ARHGAP6: variants seen among roughly 807,000 people sequenced by gnomAD.
ARHGAP6 encodes the protein rho GTPase-activating protein 6.
ARHGAP6 carries 16 observed loss-of-function variants against 55.7 expected under a neutral mutation model. The ratio of observed to expected loss-of-function variants is 0.29; its 90% confidence interval spans 0.19 to 0.44. ARHGAP6 has a LOEUF of 0.44. ARHGAP6 is among the 20% of genes least tolerant of loss of function. The probability of loss-of-function intolerance (pLI) is 1.00; values close to 1 mark genes in which losing one functional copy is unlikely to be tolerated. For missense variants in ARHGAP6, 698 were observed against 808.9 expected, an observed-to-expected ratio of 0.86 and a Z score of 1.66; for synonymous variants, 382 against 360.9, an observed-to-expected ratio of 1.06 and a Z score of -0.66.
chrX:11,548,033 A>G (rs1601633838), intron 1 of ARHGAP6, among the ~76,000 whole-genome samples: 1 of 98,199 alleles, frequency 1.0e-5, no homozygotes, highest in African/African-American at 4.0e-5. Context: ...GGAGAGCTGT[A>G]AAAAAAAAAA....
chrX:11,223,770 T>C (rs1288855189), intron 2 of ARHGAP6, among the ~76,000 whole-genome samples: 11 of 111,822 alleles, frequency 9.8e-5, no homozygotes, highest in African/African-American at 3.6e-4. Context: ...GGCTATGATA[T>C]TCTTGAACCT....
chrX:11,264,427 G>C (rs962232939), intron 1 of ARHGAP6, among the ~76,000 whole-genome samples: 2 of 111,759 alleles, frequency 1.8e-5, no homozygotes, highest in Non-Finnish European at 3.8e-5. Flanking sequence ...CCAGTGGAAA[G>C]AACCTTTCCA....
intron 1 of ARHGAP6, among the ~76,000 whole-genome samples, chrX:11,564,243 A>C (rs185471944): frequency 8.9e-6 from 1 of 111,746 alleles, no homozygotes; most frequent in East Asian, 2.8e-4. Flanking sequence ...AAGAAACAAA[A>C]TTTCAGTATT....
rs752561135 is a variant in ARHGAP6, at chrX:11,241,627, A to G, written c.748+12921T>C. Among the ~76,000 whole-genome samples, 3 of 108,106 alleles carry G rather than the reference A, an allele frequency of 2.8e-5. No individual in the cohort carries two copies. In the South Asian group the frequency reaches 1.2e-3, roughly 45 times the overall value. 93.9% of individuals were successfully genotyped at this position (108,106 alleles called of 115,157 possible). Reference sequence around the variant, plus strand: ...CATACCCTAGATTGTTGGTTATTTAACCAAACTCATGTTATCAAAGTTTTT... The same window carrying G: ...CATACCCTAGATTGTTGGTTATTTAGCCAAACTCATGTTATCAAAGTTTTT... On this transcript the variant is annotated intron_variant, in intron 2 of 12. Coordinates refer to ENST00000337414, the MANE Select transcript of ARHGAP6 (RefSeq NM_013427.3).
intron 1 of ARHGAP6, among the ~76,000 whole-genome samples, chrX:11,277,314 T>A (rs1479384898): frequency 4.5e-5 from 5 of 111,548 alleles, no homozygotes; most frequent in African/African-American, 1.6e-4. Flanking sequence ...ACATTTTGAC[T>A]GGTATGAATA....
At chrX:11,460,915 G>C (rs771474306) in intron 1 of ARHGAP6, among the ~76,000 whole-genome samples, 1 of 111,866 alleles carries the variant, frequency 8.9e-6, no homozygotes, top group East Asian at 2.8e-4. Flanking sequence ...GGTTATGCTG[G>C]GGTAACAAAT....
At chrX:11,290,644 T>C (rs180981314) in intron 1 of ARHGAP6, among the ~76,000 whole-genome samples, 13 of 111,682 alleles carry the variant, frequency 1.2e-4, no homozygotes, top group African/African-American at 4.2e-4. Context: ...CTGGGGATGC[T>C]TTAAAAGAAG....
intron 1 of ARHGAP6, among the ~76,000 whole-genome samples, chrX:11,455,964 A>T (rs1308957907): frequency 8.9e-6 from 1 of 112,404 alleles, no homozygotes; most frequent in Non-Finnish European, 1.9e-5. Flanking sequence ...TCCTGCATAG[A>T]TAACTCAAGA....
chrX:11,544,234 TA>T (rs1381553020), intron 1 of ARHGAP6, among the ~76,000 whole-genome samples: 1 of 112,322 alleles, frequency 8.9e-6, no homozygotes, highest in Admixed American at 9.4e-5. Context: ...AATGAAATGA[TA>T]AAAAACAATG....
chrX:11,520,726 G>C (rs1230874101), intron 1 of ARHGAP6, among the ~76,000 whole-genome samples: 1 of 111,540 alleles, frequency 9.0e-6, no homozygotes, highest in Non-Finnish European at 1.9e-5. Flanking sequence ...AGATCCCTGA[G>C]GAATCGCCAC....
chrX:11,383,714 T>C (rs2049290712), intron 1 of ARHGAP6, among the ~76,000 whole-genome samples: 1 of 111,893 alleles, frequency 8.9e-6, no homozygotes, highest in African/African-American at 3.2e-5. Flanking sequence ...TCCTCTCATT[T>C]CAGAGGAAAA....
chrX:11,605,503 T>C (rs2052025149), intron 1 of ARHGAP6, among the ~76,000 whole-genome samples: 1 of 111,609 alleles, frequency 9.0e-6, no homozygotes, highest in Non-Finnish European at 1.9e-5. Context: ...TAGTCTGTGT[T>C]ACTTGTACAA....
intron 3 of ARHGAP6, among the ~76,000 whole-genome samples, chrX:11,191,475 T>C (rs2283706): frequency 0.17 from 19,034 of 111,390 alleles, 1,248 homozygotes; most frequent in Middle Eastern, 0.23. Flanking sequence ...CATCTTCTTG[T>C]GCCTGTATCT....
chrX:11,218,150 C>T (rs1183076517), intron 2 of ARHGAP6, among the ~76,000 whole-genome samples: 2 of 111,630 alleles, frequency 1.8e-5, no homozygotes, highest in Non-Finnish European at 3.8e-5. Context: ...TAGCGTGATG[C>T]CTCCAGCTTT....
chrX:11,490,069 A>G (rs771376969), intron 1 of ARHGAP6, among the ~76,000 whole-genome samples: 66 of 111,411 alleles, frequency 5.9e-4, no homozygotes, highest in African/African-American at 2.1e-3. Context: ...ATATCCTAAG[A>G]TGACCCCCCT....
chrX:11,423,145 A>G (rs2049841673), intron 1 of ARHGAP6, among the ~76,000 whole-genome samples: 1 of 112,795 alleles, frequency 8.9e-6, no homozygotes, highest in Admixed American at 9.4e-5. Context: ...GGGCCATGCC[A>G]CAGGTCAGTA....
At chrX:11,585,469 T>C (rs1357506391) in intron 1 of ARHGAP6, among the ~76,000 whole-genome samples, 3 of 112,351 alleles carry the variant, frequency 2.7e-5, no homozygotes, top group Non-Finnish European at 5.6e-5. Flanking sequence ...GTAATAGCCA[T>C]TCTGACTGGT....
At chrX:11,241,569 T>TGC (rs58942549) in intron 2 of ARHGAP6, among the ~76,000 whole-genome samples, 9,413 of 102,383 alleles carry the variant, frequency 0.092, 429 homozygotes, top group Middle Eastern at 0.13. Flanking sequence ...TGTGTGTGTG[T>TGC]GTGTGCGCGT....
intron 1 of ARHGAP6, chrX:11,334,310 C>A: frequency 8.1e-6 from 1 of 123,071 alleles, no homozygotes; most frequent in South Asian, 2.8e-4. Flanking sequence ...ATGCAGTCAT[C>A]CTTTGTCATA....
Sources: gnomAD v4.1 joint callset for allele counts (sites outside exome capture counted in the v4.1 genomes callset) on GRCh38, gnomAD v4.1.1 for gene constraint, MANE v1.5 for transcripts, NCBI Gene and HGNC (gene_info 2026-07-23, HGNC 2026-07-21) for gene names.